Variants in ELAVL2 observed in about 807,000 individuals in gnomAD.
The protein encoded by ELAVL2 is ELAV-like protein 2.
Under a neutral mutation model 34.6 loss-of-function variants are expected in ELAVL2, and 4 were observed. The ratio of observed to expected loss-of-function variants is 0.12; its 90% CI spans 0.06 to 0.26. The LOEUF (loss-of-function observed/expected upper bound fraction) is 0.26. Ranked by LOEUF, ELAVL2 falls within the 10% of genes least tolerant of loss-of-function variation. The pLI is 1.00. For synonymous variants in ELAVL2, 193 were observed against 154.8 expected (o/e 1.25, Z -1.83); for missense variants, 432 against 442.8 (o/e 0.98, Z 0.22).
At chr9:23,850,321 T>TC in the ELAVL2 span, among the ~76,000 whole-genome samples, 4 of 139,520 alleles carry the variant, frequency 2.9e-5, no homozygotes, top group Non-Finnish European at 6.1e-5. Context: ...GAAAGCCCCA[T>TC]CTAAGTTCAC....
chr9:23,784,055 G>A (rs955319624), intron 1 of ELAVL2, among the ~76,000 whole-genome samples: 2 of 152,014 alleles, frequency 1.3e-5, no homozygotes, highest in African/African-American at 4.8e-5. Flanking sequence ...AAAATTAGCC[G>A]GGCATGGTGG....
chr9:23,711,346 A>G (rs1361085606), intron 3 of ELAVL2, among the ~76,000 whole-genome samples: 2 of 152,226 alleles, frequency 1.3e-5, no homozygotes, highest in Non-Finnish European at 2.9e-5. Context: ...GCTTTAATTC[A>G]AGTGAGAAGT....
At chr9:23,785,168 T>A (rs1041013022) in intron 1 of ELAVL2, among the ~76,000 whole-genome samples, 3 of 152,132 alleles carry the variant, frequency 2.0e-5, no homozygotes, top group African/African-American at 7.2e-5. Context: ...GAGAAGTACA[T>A]ATATCAAGGA....
chr9:23,707,192 TTAATG>T (rs1587445446), intron 3 of ELAVL2, among the ~76,000 whole-genome samples: 3 of 152,224 alleles, frequency 2.0e-5, no homozygotes, highest in African/African-American at 7.2e-5. Context: ...TTTCAAGTGA[TTAATG>T]TAACTTAGAT....
At chr9:23,695,665 A>T (rs1278150279) in intron 5 of ELAVL2, among the ~76,000 whole-genome samples, 1 of 152,174 alleles carries the variant, frequency 6.6e-6, no homozygotes, top group Non-Finnish European at 1.5e-5. Flanking sequence ...AAACCTGTAT[A>T]ACATGTCACT....
chr9:23,705,926 T>G (rs2039185766), intron 3 of ELAVL2, among the ~76,000 whole-genome samples: 1 of 152,208 alleles, frequency 6.6e-6, no homozygotes, highest in African/African-American at 2.4e-5. Context: ...GGAACATTTT[T>G]GTTTTCTAGC....
chr9:23,786,806 G>GAC (rs2059748846), intron 1 of ELAVL2, among the ~76,000 whole-genome samples: 42 of 141,448 alleles, frequency 3.0e-4, no homozygotes, highest in African/African-American at 1.0e-3. Flanking sequence ...AAAAAAAAGA[G>GAC]AGAGAGAGAA....
At chr9:23,842,080 C>T in the ELAVL2 span, among the ~76,000 whole-genome samples, 4 of 152,086 alleles carry the variant, frequency 2.6e-5, no homozygotes, top group Admixed American at 6.6e-5. Flanking sequence ...CCTTCCATTT[C>T]GTTTTTTGTT....
At chr9:23,806,111 T>C (rs1394507467) in intron 1 of ELAVL2, among the ~76,000 whole-genome samples, 2 of 152,144 alleles carry the variant, frequency 1.3e-5, no homozygotes, top group Non-Finnish European at 2.9e-5. Context: ...AGCACTTAAT[T>C]ACCATCATAT....
At chr9:23,803,784 C>T (rs371456753) in intron 1 of ELAVL2, among the ~76,000 whole-genome samples, 2 of 152,148 alleles carry the variant, frequency 1.3e-5, no homozygotes, top group Non-Finnish European at 2.9e-5. Flanking sequence ...TATAAAAGAG[C>T]TTCACAAGTG....
At chr9:23,834,373 A>G in the ELAVL2 span, among the ~76,000 whole-genome samples, 1 of 152,012 alleles carries the variant, frequency 6.6e-6, no homozygotes, top group African/African-American at 2.4e-5. Context: ...TTGGGTTTTG[A>G]CTTCAGACAC....
intron 1 of ELAVL2, among the ~76,000 whole-genome samples, chr9:23,774,268 T>C (rs1016462964): frequency 3.3e-5 from 5 of 150,246 alleles, no homozygotes; most frequent in African/African-American, 1.2e-4. Context: ...AATTTGCTTA[T>C]CTGTCTTTTG....
chr9:23,746,015 A>G (rs1413871832), intron 2 of ELAVL2, among the ~76,000 whole-genome samples: 1 of 151,904 alleles, frequency 6.6e-6, no homozygotes, highest in Admixed American at 6.6e-5. Flanking sequence ...GGAGGAAGTC[A>G]CAAGAGATGA....
At chr9:23,823,851 C>A (rs1420475359) in intron 1 of ELAVL2, among the ~76,000 whole-genome samples, 1 of 152,148 alleles carries the variant, frequency 6.6e-6, no homozygotes, top group Non-Finnish European at 1.5e-5. Flanking sequence ...TAAAAATTTT[C>A]ATTGTAAGTC....
chr9:23,703,469 A>G (rs746804507), intron 4 of ELAVL2, among the ~76,000 whole-genome samples: 4 of 152,214 alleles, frequency 2.6e-5, no homozygotes, highest in Non-Finnish European at 4.4e-5. Flanking sequence ...TCACTTGACT[A>G]AATAGTCTCA....
intron 1 of ELAVL2, among the ~76,000 whole-genome samples, chr9:23,772,352 G>A (rs566665773): frequency 6.6e-6 from 1 of 151,900 alleles, no homozygotes; most frequent in African/African-American, 2.4e-5. Context: ...TAATCTTAAA[G>A]GGAAAATAAA....
intron 1 of ELAVL2, among the ~76,000 whole-genome samples, chr9:23,785,983 G>C (rs1048845466): frequency 6.6e-6 from 1 of 152,250 alleles, no homozygotes; most frequent in East Asian, 1.9e-4. Context: ...GTGATCTACT[G>C]CAAGAACAGC....
chr9:23,757,842 G>A (rs960352248), intron 2 of ELAVL2, among the ~76,000 whole-genome samples: 18 of 151,960 alleles, frequency 1.2e-4, no homozygotes, highest in Admixed American at 1.1e-3. Flanking sequence ...ATCCTCACTC[G>A]ATCAAAATAG....
intron 1 of ELAVL2, among the ~76,000 whole-genome samples, chr9:23,765,798 G>A (rs1564360337): frequency 6.6e-6 from 1 of 152,154 alleles, no homozygotes; most frequent in South Asian, 2.1e-4. Flanking sequence ...CGCATAGGAT[G>A]TCAGCTTTGT....
Sources: allele counts gnomAD v4.1 joint callset (sites outside exome capture counted in the v4.1 genomes callset), GRCh38; gene constraint gnomAD v4.1.1; transcripts MANE v1.5; gene names NCBI Gene and HGNC (gene_info 2026-07-23, HGNC 2026-07-21).